GLIS3: variants seen among roughly 807,000 people sequenced by gnomAD.
The protein encoded by GLIS3 is GLIS family zinc finger 3, also known as zinc finger protein GLIS3.
Under a neutral mutation model 78.6 loss-of-function variants are expected in GLIS3, and 53 were observed. The ratio of observed to expected loss-of-function variants is 0.67; its 90% CI spans 0.54 to 0.85. The LOEUF is 0.85. GLIS3 is among the 40% of genes least tolerant of loss of function. The pLI, the probability that GLIS3 is intolerant of heterozygous loss-of-function variation, is 0.00. For synonymous variants in GLIS3, 684 were observed against 509.9 expected (o/e 1.34, Z -4.60); for missense variants, 1,703 against 1,231.1 (o/e 1.38, Z -5.74).
At chr9:4,063,484 A>G (rs921137336) in intron 4 of GLIS3, among the ~76,000 whole-genome samples, 2 of 152,144 alleles carry the variant, frequency 1.3e-5, no homozygotes, top group Non-Finnish European at 2.9e-5. Flanking sequence ...CATTAACAGA[A>G]TAAGAAAACC....
At chr9:4,145,265 G>A (rs546123053) in intron 2 of GLIS3, 2 of 152,314 alleles carry the variant, frequency 1.3e-5, no homozygotes, top group Admixed American at 6.5e-5. Flanking sequence ...GTTAGGTAAG[G>A]TTTTTAAGCC....
At chr9:4,075,771 T>C (rs1827996780) in intron 4 of GLIS3, among the ~76,000 whole-genome samples, 1 of 151,836 alleles carries the variant, frequency 6.6e-6, no homozygotes, top group Admixed American at 6.6e-5. Flanking sequence ...GCAACATTAA[T>C]CATCAATAAA....
chr9:4,322,805 A>T (rs918151611), intron 2 of GLIS3, among the ~76,000 whole-genome samples: 1 of 152,134 alleles, frequency 6.6e-6, no homozygotes, highest in African/African-American at 2.4e-5. Flanking sequence ...TAGATTTTGA[A>T]TATTAGCCCT....
At chr9:4,123,743 G>A in intron 3 of GLIS3, 3 of 397,844 alleles carry the variant, frequency 7.5e-6, no homozygotes, top group Non-Finnish European at 1.3e-5. Flanking sequence ...GACTATAACT[G>A]GAAGGATGTA....
At chr9:4,397,024 C>CTTTTT in the GLIS3 span, among the ~76,000 whole-genome samples, 4 of 121,202 alleles carry the variant, frequency 3.3e-5, no homozygotes, top group South Asian at 2.7e-4. Context: ...TTCTTTTTTT[C>CTTTTT]TTTTTTTTTT....
the GLIS3 span, among the ~76,000 whole-genome samples, chr9:4,426,402 T>C: frequency 9.8e-5 from 15 of 152,378 alleles, no homozygotes; most frequent in East Asian, 2.9e-3. Context: ...TTCAGCCACG[T>C]TGAACTGTTT....
Position 4,174,933 on chromosome 9 carries a change from G to C in GLIS3, c.389-48992C>G, listed in dbSNP as rs557636452. 3.3e-5 allele frequency among the ~76,000 whole-genome samples: 5 copies of C among 152,324 alleles called. No homozygotes were observed. In the East Asian group the frequency reaches 9.6e-4, roughly 29 times the overall value. ...GACCGTCTTCACAGCAAATATGACT[G>C]ACGACGCTGGAAGTAGTGACACAGC... On this transcript the variant is annotated intron_variant, in intron 2 of 10. Transcript: ENST00000381971.
At chr9:4,427,333 C>G in the GLIS3 span, among the ~76,000 whole-genome samples, 3 of 152,194 alleles carry the variant, frequency 2.0e-5, no homozygotes, top group African/African-American at 4.8e-5. Flanking sequence ...TTCAATGACA[C>G]AGACATTTAT....
intron 2 of GLIS3, among the ~76,000 whole-genome samples, chr9:4,315,866 G>A (rs1320432568): frequency 6.6e-6 from 1 of 152,110 alleles, no homozygotes; most frequent in Non-Finnish European, 1.5e-5. Context: ...CCAGGTATGG[G>A]GTTCTAGAAT....
the GLIS3 span, among the ~76,000 whole-genome samples, chr9:4,372,524 G>T: frequency 2.0e-5 from 3 of 146,402 alleles, no homozygotes; most frequent in South Asian, 6.5e-4. Context: ...ACTTCAGGAG[G>T]CAATACTCCT....
At position 4,168,195 on chromosome 9, in the gene GLIS3, A is replaced by ACG. The variant is rs1056733448; in HGVS notation, c.389-42256_389-42255dup. Among the ~76,000 whole-genome samples the ACG allele has an allele frequency of 1.5e-4, 23 of 152,108 alleles. No homozygotes were observed. In the South Asian group the frequency reaches 4.6e-3, roughly 30 times the overall value. On this transcript the variant is annotated intron_variant, in intron 2 of 10. Transcript: ENST00000381971. Reference sequence around the variant, plus strand: ...CTCTCTCTTACACACACACACACAGACGCACACACACACACATACATACAC... The same window carrying ACG: ...CTCTCTCTTACACACACACACACAGACGCGCACACACACACACATACATACAC...
chr9:4,266,398 C>T (rs535633044), intron 2 of GLIS3, among the ~76,000 whole-genome samples: 24 of 152,196 alleles, frequency 1.6e-4, no homozygotes, highest in African/African-American at 5.3e-4. Context: ...GAGACCCTAT[C>T]GCTGAATTCA....
chr9:3,914,331 A>ATT (rs35662964), intron 6 of GLIS3, among the ~76,000 whole-genome samples: 71 of 129,180 alleles, frequency 5.5e-4, no homozygotes, highest in South Asian at 2.0e-3. Context: ...AGATTTTTGG[A>ATT]TTTTTTTTTT....
intron 2 of GLIS3, among the ~76,000 whole-genome samples, chr9:4,255,617 G>A (rs563507261): frequency 1.4e-4 from 22 of 152,278 alleles, no homozygotes; most frequent in South Asian, 1.2e-3. Flanking sequence ...AGTCTGAGAA[G>A]GCTACATACT....
At chr9:4,328,969 T>C (rs1817643264) in intron 2 of GLIS3, among the ~76,000 whole-genome samples, 1 of 152,126 alleles carries the variant, frequency 6.6e-6, no homozygotes, top group South Asian at 2.1e-4. Context: ...CAACCACAGC[T>C]CTTGAGGTGA....
chr9:4,074,600 C>A (rs1041439182), intron 4 of GLIS3, among the ~76,000 whole-genome samples: 2 of 152,128 alleles, frequency 1.3e-5, no homozygotes, highest in Non-Finnish European at 1.5e-5. Context: ...ATAACTGAAT[C>A]ATTTACTGTA....
chr9:4,293,975 A>C (rs1459852026), intron 1 of GLIS3, among the ~76,000 whole-genome samples: 5 of 152,200 alleles, frequency 3.3e-5, no homozygotes, highest in African/African-American at 1.2e-4. Context: ...TTTTCTTCCC[A>C]AAGTGGAACA....
chr9:4,427,159 A>T, the GLIS3 span, among the ~76,000 whole-genome samples: 15 of 152,194 alleles, frequency 9.9e-5, no homozygotes, highest in Admixed American at 2.6e-4. Flanking sequence ...GTGAGAGGCG[A>T]TGGAACAGTA....
chr9:4,311,035 G>A (rs10974449), intron 2 of GLIS3, among the ~76,000 whole-genome samples: 56,120 of 152,056 alleles, frequency 0.37, 12,192 homozygotes, highest in African/African-American at 0.61. Context: ...CTAAGGATGG[G>A]GACTTTATAG....
Sources: allele counts gnomAD v4.1 joint callset (sites outside exome capture counted in the v4.1 genomes callset), GRCh38; gene constraint gnomAD v4.1.1; transcripts MANE v1.5; gene names NCBI Gene and HGNC (gene_info 2026-07-23, HGNC 2026-07-21).